The following WDPCP variants were observed in gnomAD, a reference collection of about 807,000 sequenced individuals.
WDPCP encodes WD repeat-containing and planar cell polarity effector protein fritz homolog.
A neutral mutation model predicts 93.1 loss-of-function variants in WDPCP; 71 were observed. The ratio of observed to expected loss-of-function variants is 0.76; its 90% confidence interval spans 0.63 to 0.93. The LOEUF (loss-of-function observed/expected upper bound fraction) is 0.93. Among genes scored for constraint, WDPCP ranks in the 40% least tolerant of loss-of-function variants. WDPCP has a pLI of 0.00. For missense variants in WDPCP, 844 were observed against 887.4 expected (o/e 0.95, Z 0.62); for synonymous variants, 315 against 315.0 (o/e 1.00, Z 0.00).
intron 1 of WDPCP, among the ~76,000 whole-genome samples, chr2:63,554,141 T>C (rs1705893189): frequency 6.6e-6 from 1 of 152,244 alleles, no homozygotes; most frequent in South Asian, 2.1e-4. Context: ...TCCACTTCAA[T>C]TTGGAACACT....
At chr2:63,746,865 T>A (rs1459621244) in intron 2 of WDPCP, among the ~76,000 whole-genome samples, 1 of 152,164 alleles carries the variant, frequency 6.6e-6, no homozygotes, top group Non-Finnish European at 1.5e-5. Context: ...TTCTGCCTTG[T>A]GATCTTTTGT....
intron 13 of WDPCP, among the ~76,000 whole-genome samples, chr2:63,287,788 A>C (rs551032912): frequency 1.3e-5 from 2 of 152,228 alleles, no homozygotes. Context: ...ATTTCATTTC[A>C]TAGTTAATTC....
intron 17 of WDPCP, among the ~76,000 whole-genome samples, chr2:63,147,092 G>A (rs1254349284): frequency 2.6e-5 from 4 of 152,190 alleles, no homozygotes; most frequent in African/African-American, 4.8e-5. Context: ...AAGTAACTCA[G>A]ACTCTTTGAG....
chr2:63,521,870 G>C (rs1400009420), intron 1 of WDPCP, among the ~76,000 whole-genome samples: 1 of 152,092 alleles, frequency 6.6e-6, no homozygotes, highest in Non-Finnish European at 1.5e-5. Flanking sequence ...AATTATTGCT[G>C]AGAAAATCAC....
intron 1 of WDPCP, among the ~76,000 whole-genome samples, chr2:63,498,945 C>T (rs1701385373): frequency 6.6e-6 from 1 of 152,120 alleles, no homozygotes; most frequent in Non-Finnish European, 1.5e-5. Flanking sequence ...ACCTATTGTA[C>T]CCAAAGAATG....
chr2:63,512,211 G>T (rs1319165770), intron 1 of WDPCP, among the ~76,000 whole-genome samples: 1 of 152,152 alleles, frequency 6.6e-6, no homozygotes, highest in African/African-American at 2.4e-5. Context: ...ACGCCAGTTA[G>T]GATAGCAATC....
chr2:63,482,969 C>T (rs896603766), intron 6 of WDPCP, among the ~76,000 whole-genome samples: 2 of 151,822 alleles, frequency 1.3e-5, no homozygotes, highest in African/African-American at 4.8e-5. Flanking sequence ...CATGAAAATT[C>T]CCTTTCTGAG....
intron 1 of WDPCP, among the ~76,000 whole-genome samples, chr2:63,538,403 G>T (rs939660718): frequency 6.6e-6 from 1 of 152,128 alleles, no homozygotes; most frequent in Non-Finnish European, 1.5e-5. Context: ...GAATTAGAAT[G>T]CTGAAATCTA....
intron 2 of WDPCP, among the ~76,000 whole-genome samples, chr2:63,694,169 T>A (rs1231732717): frequency 6.6e-6 from 1 of 152,162 alleles, no homozygotes; most frequent in Non-Finnish European, 1.5e-5. Flanking sequence ...AGTTAATCAG[T>A]TGTGTCTAAG....
chr2:63,708,765 C>G (rs545190412), intron 2 of WDPCP, among the ~76,000 whole-genome samples: 2 of 152,056 alleles, frequency 1.3e-5, no homozygotes, highest in African/African-American at 2.4e-5. Flanking sequence ...CTTGGCTCCA[C>G]CCTCCTGGCT....
chr2:63,589,276 G>C, upstream of WDPCP: 8 of 1,551,176 alleles, frequency 5.2e-6, no homozygotes, highest in Non-Finnish European at 7.0e-6. Flanking sequence ...TGGAGAAGTA[G>C]TTGTCCTGGG....
chr2:63,284,328 A>G (rs375705698), intron 13 of WDPCP, among the ~76,000 whole-genome samples: 1 of 152,204 alleles, frequency 6.6e-6, no homozygotes, highest in East Asian at 1.9e-4. Flanking sequence ...GAAAGCATGG[A>G]TAATACTGAA....
chr2:63,435,417 A>AT (rs1339351546), intron 8 of WDPCP, among the ~76,000 whole-genome samples: 33 of 152,174 alleles, frequency 2.2e-4, no homozygotes, highest in Admixed American at 2.2e-3. Flanking sequence ...AATTTCTTAT[A>AT]TTTAAGCTCT....
At chr2:63,459,636 C>G (rs1359179136) in intron 6 of WDPCP, among the ~76,000 whole-genome samples, 2 of 152,226 alleles carry the variant, frequency 1.3e-5, no homozygotes, top group Middle Eastern at 3.4e-3. Context: ...CAAAAGGAGG[C>G]CTGGCATGGT....
intron 9 of WDPCP, among the ~76,000 whole-genome samples, chr2:63,405,477 C>G (rs1246511075): frequency 6.6e-6 from 1 of 150,672 alleles, no homozygotes; most frequent in Admixed American, 6.6e-5. Context: ...AAACAGAGGA[C>G]TGACTTTTCA....
At chr2:63,555,474 C>G (rs1706037239) in intron 1 of WDPCP, among the ~76,000 whole-genome samples, 1 of 152,254 alleles carries the variant, frequency 6.6e-6, no homozygotes, top group Non-Finnish European at 1.5e-5. Flanking sequence ...GCAGCACACC[C>G]TCTCTGCCAA....
chr2:63,695,098 TCTTA>T (rs1331206571), intron 2 of WDPCP, among the ~76,000 whole-genome samples: 3 of 152,226 alleles, frequency 2.0e-5, no homozygotes, highest in African/African-American at 7.2e-5. Flanking sequence ...ATCTTATTTC[TCTTA>T]CTTGTCTTAT....
At chr2:63,631,557 A>AAATAAT (rs1290760889) in intron 3 of WDPCP, among the ~76,000 whole-genome samples, 1 of 152,178 alleles carries the variant, frequency 6.6e-6, no homozygotes, top group Non-Finnish European at 1.5e-5. Flanking sequence ...CTCTAACAAA[A>AAATAAT]AATAATAATT....
intron 1 of WDPCP, among the ~76,000 whole-genome samples, chr2:63,504,624 G>T (rs575784600): frequency 6.6e-6 from 1 of 151,976 alleles, no homozygotes; most frequent in East Asian, 1.9e-4. Flanking sequence ...CTCTCCCTCT[G>T]CCTAAATGCT....
Sources: allele counts gnomAD v4.1 joint callset (sites outside exome capture counted in the v4.1 genomes callset), GRCh38; gene constraint gnomAD v4.1.1; transcripts MANE v1.5; gene names NCBI Gene and HGNC (gene_info 2026-07-23, HGNC 2026-07-21).